JAKMIP2: variants seen among roughly 807,000 people sequenced by gnomAD.
JAKMIP2 encodes the protein janus kinase and microtubule-interacting protein 2.
A neutral mutation model predicts 115.0 loss-of-function variants in JAKMIP2; 25 were observed. That is an observed-to-expected ratio of 0.22 (90% CI 0.16 to 0.30). JAKMIP2 has a LOEUF of 0.30. Ranked by LOEUF, JAKMIP2 falls within the 10% of genes least tolerant of loss-of-function variation. JAKMIP2 has a pLI of 1.00. For missense variants in JAKMIP2, 642 were observed against 957.6 expected, an observed-to-expected ratio of 0.67 and a Z score of 4.35; for synonymous variants, 334 against 343.6, an observed-to-expected ratio of 0.97 and a Z score of 0.31.
chr5:147,656,268 G>A (rs986281240), intron 3 of JAKMIP2, among the ~76,000 whole-genome samples: 1 of 152,190 alleles, frequency 6.6e-6, no homozygotes, highest in Non-Finnish European at 1.5e-5. Context: ...ACATTGATCT[G>A]TCTAATGTTG....
chr5:147,595,736 CATTAAT>C (rs1029853313), intron 21 of JAKMIP2, among the ~76,000 whole-genome samples: 4 of 152,060 alleles, frequency 2.6e-5, no homozygotes, highest in African/African-American at 9.7e-5. Context: ...ATTGAAATAT[CATTAAT>C]ATTATTTTAA....
At position 147,762,146 on chromosome 5, in the gene JAKMIP2, C is replaced by CAT. The variant is rs567239399; in HGVS notation, c.-149+20308_-149+20309dup. Among the ~76,000 whole-genome samples the CAT allele has an allele frequency of 2.6e-4, 40 of 152,168 alleles. No homozygotes were observed. In the Middle Eastern group the frequency reaches 0.01, roughly 39 times the overall value. On this transcript the variant is annotated intron_variant, in intron 1 of 21. Transcript: ENST00000616793. Reference sequence around the variant, plus strand: ...GTTTGATGTAATTCTTTGACACTTACATATATGCACACATGCACAGATAAA... The same window carrying CAT: ...GTTTGATGTAATTCTTTGACACTTACATATATATGCACACATGCACAGATAAA...
chr5:147,603,004 G>C (rs1374815016), intron 20 of JAKMIP2, among the ~76,000 whole-genome samples: 1 of 152,144 alleles, frequency 6.6e-6, no homozygotes. Context: ...CTTATAGCAG[G>C]AGAAGTTCGA....
Position 147,631,442 on chromosome 5 carries a change from G to A in JAKMIP2, c.1846C>T (p.Gln616Ter). The change falls in exon 14 of 22, where the codon CAG (glutamine) becomes TAG (stop). Residue 616 changes from glutamine (Q) to a stop codon, truncating the protein, a stop_gained. Coordinates refer to ENST00000616793, the MANE Select transcript of JAKMIP2 (RefSeq NM_001270941.2). LOFTEE classifies it high-confidence loss of function. ...ACACCTTCTTTCATACAGTAGATCT[G>A]TAGAGCACTCACACCATCTGAGAAT... ...HPFSDGVSALQIYCMKEGVKD... is the reference protein window; with the variant it reads ...HPFSDGVSAL The A allele has an allele frequency of 6.2e-7, 1 of 1,610,474 alleles. No individual in the cohort carries two copies. The highest frequency in any genetic ancestry group is 8.5e-7 in the Non-Finnish European group (1 of 1,176,938).
intron 12 of JAKMIP2, among the ~76,000 whole-genome samples, chr5:147,633,142 G>T (rs182994339): frequency 1.3e-3 from 203 of 152,246 alleles, no homozygotes; most frequent in Admixed American, 1.4e-3. Flanking sequence ...CTCATTTCTC[G>T]AGTTATATTT....
chr5:147,629,550 A>T, intron 15 of JAKMIP2, 143 bp downstream of exon 15: 1 of 571,998 alleles, frequency 1.7e-6, no homozygotes, highest in Non-Finnish European at 3.0e-6. Context: ...TTGTTTGATA[A>T]ATTGTATATT....
chr5:147,631,156 G>A (rs529186286), intron 14 of JAKMIP2, among the ~76,000 whole-genome samples: 15 of 152,092 alleles, frequency 9.9e-5, no homozygotes, highest in East Asian at 1.9e-4. Flanking sequence ...TTGATGCAGC[G>A]TCTTTCTTCA....
intron 16 of JAKMIP2, 93 bp from the exon 17 acceptor site, chr5:147,623,782 A>G (rs1322151328): frequency 4.2e-6 from 3 of 712,564 alleles, no homozygotes; most frequent in South Asian, 3.4e-5. Flanking sequence ...TCCTCCCCTT[A>G]TATCTCAGGA....
At chr5:147,676,161 G>A (rs962692370) in intron 1 of JAKMIP2, among the ~76,000 whole-genome samples, 5 of 152,046 alleles carry the variant, frequency 3.3e-5, no homozygotes, top group Admixed American at 1.3e-4. Context: ...GTGAAACCCC[G>A]TCTCTACTAT....
At chr5:147,737,856 A>G (rs901762796) in intron 1 of JAKMIP2, among the ~76,000 whole-genome samples, 7 of 152,208 alleles carry the variant, frequency 4.6e-5, no homozygotes, top group Admixed American at 2.6e-4. Flanking sequence ...AGAACGTTAG[A>G]TTTAAGATGG....
Position 147,623,586 on chromosome 5 carries a change from T to G in JAKMIP2, c.2064+35A>C, listed in dbSNP as rs1376295482. The G allele has an allele frequency of 1.8e-5, 25 of 1,408,062 alleles. No homozygotes were observed. The East Asian group carries it at 5.7e-4, about 32-fold the overall frequency. The allele number at this position is 1,408,062 out of a possible 1,614,324, so 87.2% of individuals were successfully genotyped here. A position where few individuals can be genotyped will look rare whatever the true frequency, so the allele number is the denominator to read the frequency against. ...AATTTTCCATTTGCCTTGTAAGTTTTTCTTAATTTTTACAATATCTCATCT... is the reference window on the plus strand; with the variant it reads ...AATTTTCCATTTGCCTTGTAAGTTTGTCTTAATTTTTACAATATCTCATCT... On this transcript the variant is annotated intron_variant, in intron 17 of 21. Coordinates refer to ENST00000616793, the MANE Select transcript of JAKMIP2 (RefSeq NM_001270941.2).
intron 17 of JAKMIP2, 89 bp downstream of exon 17, chr5:147,623,532 T>C: frequency 2.7e-6 from 2 of 753,220 alleles, no homozygotes; most frequent in Admixed American, 2.1e-5. Context: ...CTTTCATCAG[T>C]GCCAGATAAA....
intron 1 of JAKMIP2, among the ~76,000 whole-genome samples, chr5:147,708,085 C>T (rs142600760): frequency 1.1e-3 from 173 of 152,222 alleles, no homozygotes; most frequent in African/African-American, 4.1e-3. Context: ...AAATGTGCAA[C>T]TATTGAGTCA....
rs959742956 is a variant in JAKMIP2 at position 147,782,592 on chromosome 5, G to A, written c.-285C>T. On this transcript the variant is annotated 5_prime_UTR_variant, in exon 1 of 22. Coordinates refer to ENST00000616793, the MANE Select transcript of JAKMIP2 (RefSeq NM_001270941.2). ...CGGTTTTTTTTTTCCCTCTGTCTCTGGTTGGCGATGGTGCGAATAGGAACC... is the reference window on the plus strand; with the variant it reads ...CGGTTTTTTTTTTCCCTCTGTCTCTAGTTGGCGATGGTGCGAATAGGAACC... The A allele has an allele frequency of 6.9e-6, 6 of 867,800 alleles. No individual in the cohort carries two copies. In the African/African-American group the frequency reaches 1.0e-4, roughly 14 times the overall value. 53.8% of individuals were successfully genotyped at this position (867,800 alleles called of 1,614,324 possible).
intron 1 of JAKMIP2, among the ~76,000 whole-genome samples, chr5:147,673,834 TA>T (rs1759771232): frequency 1.3e-5 from 2 of 151,778 alleles, no homozygotes; most frequent in East Asian, 3.9e-4. Flanking sequence ...TATATATATA[TA>T]TCTATCTAAC....
intron 3 of JAKMIP2, among the ~76,000 whole-genome samples, chr5:147,652,400 A>T (rs1458692449): frequency 1.3e-5 from 2 of 152,192 alleles, no homozygotes; most frequent in Admixed American, 6.5e-5. Context: ...TTTATTGCGT[A>T]GCAGTTATGA....
chr5:147,781,379 A>G (rs781221315), intron 1 of JAKMIP2, among the ~76,000 whole-genome samples: 2 of 152,198 alleles, frequency 1.3e-5, no homozygotes, highest in Non-Finnish European at 2.9e-5. Flanking sequence ...CTTCCAGCTT[A>G]GCTGTGCTTC....
chr5:147,729,715 A>T (rs1379468798), intron 1 of JAKMIP2, among the ~76,000 whole-genome samples: 1 of 150,968 alleles, frequency 6.6e-6, no homozygotes, highest in Admixed American at 6.6e-5. Flanking sequence ...CGGAGCTTGC[A>T]GTGAGCCGAG....
At chr5:147,715,739 T>C (rs1393939854) in intron 1 of JAKMIP2, among the ~76,000 whole-genome samples, 4 of 151,484 alleles carry the variant, frequency 2.6e-5, no homozygotes, top group Non-Finnish European at 2.9e-5. Context: ...AAAACATTCA[T>C]CTCTGAGTAA....
Sources: allele counts gnomAD v4.1 joint callset (sites outside exome capture counted in the v4.1 genomes callset), GRCh38; gene constraint gnomAD v4.1.1; transcripts MANE v1.5; gene names NCBI Gene and HGNC (gene_info 2026-07-23, HGNC 2026-07-21).